Variants in FMN2 observed in about 807,000 individuals in gnomAD.
FMN2 encodes formin-2.
FMN2 carries 51 observed loss-of-function variants against 142.3 expected under a neutral mutation model. The observed-to-expected ratio is 0.36, with a 90% CI of 0.29 to 0.45. The LOEUF is 0.45. Ranked by LOEUF, FMN2 falls within the 20% of genes least tolerant of loss-of-function variation. The probability of loss-of-function intolerance (pLI) is 1.00; values close to 1 mark genes in which losing one functional copy is unlikely to be tolerated. For missense variants in FMN2, 1,936 were observed against 2,122.8 expected (o/e 0.91, Z 1.73); for synonymous variants, 882 against 869.8 (o/e 1.01, Z -0.25).
intron 16 of FMN2, among the ~76,000 whole-genome samples, chr1:240,447,049 C>T (rs1675844705): frequency 6.6e-6 from 1 of 152,160 alleles, no homozygotes; most frequent in South Asian, 2.1e-4. Flanking sequence ...ATTGCCTCCA[C>T]CTAGAGGTAT....
intron 13 of FMN2, among the ~76,000 whole-genome samples, chr1:240,336,423 A>ACATTTG (rs1425263995): frequency 2.0e-5 from 3 of 152,134 alleles, no homozygotes; most frequent in African/African-American, 7.2e-5. Flanking sequence ...AACAATGATC[A>ACATTTG]CATTTGTCTG....
intron 6 of FMN2, among the ~76,000 whole-genome samples, chr1:240,224,497 G>A (rs2103429082): frequency 6.6e-6 from 1 of 152,188 alleles, no homozygotes; most frequent in South Asian, 2.1e-4. Flanking sequence ...ATGTCTATTA[G>A]GTCCACTTGG....
intron 8 of FMN2, among the ~76,000 whole-genome samples, chr1:240,326,428 A>G (rs1290134891): frequency 2.0e-5 from 3 of 152,208 alleles, no homozygotes; most frequent in Non-Finnish European, 2.9e-5. Context: ...GAGTACTAGT[A>G]GAAAGTCACT....
At chr1:240,337,005 T>C (rs932175353) in intron 13 of FMN2, among the ~76,000 whole-genome samples, 1 of 151,986 alleles carries the variant, frequency 6.6e-6, no homozygotes, top group Non-Finnish European at 1.5e-5. Context: ...TATACCCAAA[T>C]GTAGAATTTC....
chr1:240,151,006 G>A (rs1663746429), intron 2 of FMN2, among the ~76,000 whole-genome samples: 1 of 152,090 alleles, frequency 6.6e-6, no homozygotes, highest in South Asian at 2.1e-4. Flanking sequence ...AGAAATATAT[G>A]GTAGAAATTA....
At chr1:240,387,821 T>C (rs1258147202) in intron 14 of FMN2, among the ~76,000 whole-genome samples, 1 of 152,016 alleles carries the variant, frequency 6.6e-6, no homozygotes, top group African/African-American at 2.4e-5. Context: ...GATGTGGGCA[T>C]AAAGGAAAGA....
chr1:240,408,533 GT>G (rs200383085), intron 15 of FMN2, among the ~76,000 whole-genome samples: 7 of 151,798 alleles, frequency 4.6e-5, no homozygotes, highest in Non-Finnish European at 1.0e-4. Flanking sequence ...CATATCCCAT[GT>G]TTTTTTTCTG....
chr1:240,384,037 T>C (rs1402745520), intron 14 of FMN2, among the ~76,000 whole-genome samples: 1 of 152,084 alleles, frequency 6.6e-6, no homozygotes, highest in Admixed American at 6.6e-5. Flanking sequence ...CCTAAGCGTA[T>C]TAACACAGAA....
chr1:240,425,953 C>T (rs2103151672), intron 15 of FMN2, among the ~76,000 whole-genome samples: 1 of 152,338 alleles, frequency 6.6e-6, no homozygotes, highest in East Asian at 1.9e-4. Context: ...TCTTCTAAGA[C>T]TACAACAGAG....
chr1:240,457,446 G>A (rs138293300), intron 16 of FMN2: 145 of 152,316 alleles, frequency 9.5e-4, no homozygotes, highest in African/African-American at 3.4e-3. Flanking sequence ...CTTATTAAGT[G>A]TCTATACTAG....
intron 4 of FMN2, among the ~76,000 whole-genome samples, chr1:240,192,004 A>T (rs1665717657): frequency 6.6e-6 from 1 of 152,210 alleles, no homozygotes; most frequent in Non-Finnish European, 1.5e-5. Flanking sequence ...CGATATCAGC[A>T]CTGTCTTCCC....
chr1:240,377,123 A>T (rs1244267795), intron 14 of FMN2, among the ~76,000 whole-genome samples: 1 of 152,162 alleles, frequency 6.6e-6, no homozygotes, highest in African/African-American at 2.4e-5. Context: ...TTTCCAGTTT[A>T]TTTCACTCAT....
At position 240,170,826 on chromosome 1, in the gene FMN2, C is replaced by T; in HGVS notation, c.1783-7095C>T. ...GTAAAGTGGCTGGTGCATCCCGGAT[C>T]ATTGGTGTGGACATCCATCAAGATA... On this transcript the variant is annotated intron_variant, in intron 2 of 17. Transcript: ENST00000319653. The T allele has an allele frequency of 4.8e-6, 4 of 840,612 alleles. No individual in the cohort carries two copies. The South Asian group carries it at 5.3e-5, about 11-fold the overall frequency. The allele number at this position is 840,612 out of a possible 1,614,324, so 52.1% of individuals were successfully genotyped here.
intron 8 of FMN2, among the ~76,000 whole-genome samples, chr1:240,296,672 GT>G (rs11380505): frequency 4.5e-4 from 65 of 143,936 alleles, no homozygotes; most frequent in East Asian, 8.1e-4. Flanking sequence ...CTTGAGTTTG[GT>G]TTTTTTTTTT....
intron 2 of FMN2, among the ~76,000 whole-genome samples, chr1:240,148,104 A>G (rs1243523330): frequency 2.0e-5 from 3 of 152,326 alleles, no homozygotes; most frequent in South Asian, 2.1e-4. Context: ...TGGATTGATC[A>G]TTATGGCTTT....
At chr1:240,239,306 C>A (rs1667814185) in intron 6 of FMN2, among the ~76,000 whole-genome samples, 2 of 152,104 alleles carry the variant, frequency 1.3e-5, no homozygotes, top group Non-Finnish European at 2.9e-5. Context: ...TGATAAATTT[C>A]TTCAAATGGA....
At chr1:240,189,531 CTG>C (rs1334150083) in intron 4 of FMN2, among the ~76,000 whole-genome samples, 4 of 152,206 alleles carry the variant, frequency 2.6e-5, no homozygotes, top group East Asian at 1.9e-4. Flanking sequence ...AAAAGAATCC[CTG>C]TGTTATACAT....
intron 10 of FMN2, 47 bp downstream of exon 10, chr1:240,329,515 T>G: frequency 6.3e-7 from 1 of 1,591,136 alleles, no homozygotes; most frequent in Non-Finnish European, 8.5e-7. Context: ...CATTTAATTG[T>G]GCTCAGCCAT....
At chr1:240,360,316 C>A (rs1464284198) in intron 14 of FMN2, among the ~76,000 whole-genome samples, 1 of 152,190 alleles carries the variant, frequency 6.6e-6, no homozygotes, top group Non-Finnish European at 1.5e-5. Flanking sequence ...ACTTACCCAC[C>A]ATCACATCTG....
Sources: gnomAD v4.1 joint callset for allele counts (sites outside exome capture counted in the v4.1 genomes callset) on GRCh38, gnomAD v4.1.1 for gene constraint, MANE v1.5 for transcripts, NCBI Gene and HGNC (gene_info 2026-07-23, HGNC 2026-07-21) for gene names.